RCBTB2: variants seen among roughly 807,000 people sequenced by gnomAD.
RCBTB2 encodes the protein RCC1 and BTB domain containing protein 2.
A neutral mutation model predicts 65.4 loss-of-function variants in RCBTB2; 55 were observed. That is an observed-to-expected ratio of 0.84 (90% CI 0.68 to 1.05). RCBTB2 has a LOEUF of 1.05. Among genes scored for constraint, RCBTB2 ranks in the 50% least tolerant of loss-of-function variants. RCBTB2 has a pLI of 0.00. For synonymous variants in RCBTB2, 220 were observed against 255.2 expected, an observed-to-expected ratio of 0.86 and a Z score of 1.31; for missense variants, 599 against 680.1, an observed-to-expected ratio of 0.88 and a Z score of 1.33.
In RCBTB2 at chr13:48,502,878, CGT is replaced by C. The variant is rs1226043062; in HGVS notation, c.961_962del (p.Thr321ValfsTer33). ...GCCCACCCTGCGTCTTGGCCGCAGA[CGT>C]GTGTGTGGAGTGACAGGCTGCAATC... ...IEIAACHSTH[T>X]SAAKTQGGHV... On this transcript the variant is annotated frameshift_variant, in exon 11 of 15. Coordinates refer to ENST00000344532, the MANE Select transcript of RCBTB2 (RefSeq NM_001268.4). LOFTEE classifies it high-confidence loss of function. The C allele has an allele frequency of 1.2e-6, 2 of 1,613,838 alleles. No individual in the cohort carries two copies. Among genetic ancestry groups the C allele is most frequent in the Non-Finnish European group, 1.7e-6 (2 of 1,179,902 alleles).
At chr13:48,535,484 G>A (rs141160653), upstream of RCBTB2, among the ~76,000 whole-genome samples, 182 of 152,238 alleles carry the variant, frequency 1.2e-3, no homozygotes, top group Non-Finnish European at 2.3e-3. Context: ...TAGAGCTCCT[G>A]ACCTCAGGTG....
intron 8 of RCBTB2, 24 bp downstream of exon 8, chr13:48,511,992 C>A (rs768509742): frequency 9.9e-6 from 16 of 1,609,886 alleles, no homozygotes; most frequent in Non-Finnish European, 1.4e-5. Context: ...GGTTTTTAAA[C>A]AAGATGTAAA....
chr13:48,525,356 G>A (rs1412765561), intron 1 of RCBTB2, among the ~76,000 whole-genome samples: 1 of 118,194 alleles, frequency 8.5e-6, no homozygotes, highest in African/African-American at 3.1e-5. Flanking sequence ...CAATTCAAAA[G>A]TGAGCAAAGG....
rs753811771 is a variant in RCBTB2 at position 48,515,660 on chromosome 13, GTTC to G, written c.121_123del (p.Glu41del). 4.3e-6 allele frequency: 7 copies of G among 1,613,788 alleles called. No individual in the cohort carries two copies. Among genetic ancestry groups the G allele is most frequent in the East Asian group, 2.2e-5 (1 of 44,880 alleles). On this transcript the variant is annotated inframe_deletion, in exon 5 of 15. Coordinates refer to ENST00000344532, the MANE Select transcript of RCBTB2 (RefSeq NM_001268.4). ...ACACAAGCCTGACGAATTAACTGTA[GTTC>G]TTCTTCAGAACAAAGGGAAAAAATT...
rs1416922579 is a variant in RCBTB2 at position 48,525,372 on chromosome 13, TGATATA to T, written c.-218-621_-218-616del. Among the ~76,000 whole-genome samples, 118 of 67,538 alleles carry T rather than the reference TGATATA, an allele frequency of 1.7e-3. 1 individual carries two copies. The highest frequency in any genetic ancestry group is 4.3e-3 in the African/African-American group (83 of 19,320). The allele number at this position is 67,538 out of a possible 152,430, so 44.3% of individuals were successfully genotyped here. ...AATTCAAAAGTGAGCAAAGGATTCA[TGATATA>T]TATATATATATATATATATATATAT... is the stretch of plus-strand genomic sequence containing the variant. On this transcript the variant is annotated intron_variant, in intron 1 of 14. Coordinates refer to ENST00000344532, the MANE Select transcript of RCBTB2 (RefSeq NM_001268.4).
chr13:48,535,597 C>G (rs1952352977), upstream of RCBTB2: 1 of 451,942 alleles, frequency 2.2e-6, no homozygotes. Flanking sequence ...GGCTTTTGCC[C>G]CTACCCCTCC....
chr13:48,496,370 T>A, intron 13 of RCBTB2, 49 bp from the exon 14 acceptor site: 2 of 1,477,804 alleles, frequency 1.4e-6, no homozygotes, highest in South Asian at 2.8e-5. Context: ...AGCATCCTGA[T>A]TTACAGTTGC....
intron 12 of RCBTB2, 132 bp from the exon 13 acceptor site, chr13:48,499,892 C>T (rs966597262): frequency 3.8e-6 from 4 of 1,040,952 alleles, no homozygotes; most frequent in East Asian, 5.1e-5. Context: ...TCTTTGCTGG[C>T]CAGGGTTTTC....
rs1007635892 is a variant in RCBTB2, at chr13:48,511,850, C to T, written c.703G>A (p.Gly235Arg). ...CCACTGTTGCCGAGTCCAAGCTGCC[C>T]GTTTCCGTTGTAACCCCAGACATAG... ...EVYVWGYNGNGQLGLGNSGNQ... is the reference protein window; with the variant it reads ...EVYVWGYNGNRQLGLGNSGNQ... The change falls in exon 9 of 15, where the codon GGG becomes AGG. Residue 235 changes from glycine (G) to arginine (R), a missense_variant. Transcript: ENST00000344532. The T allele has an allele frequency of 2.5e-6, 4 of 1,614,050 alleles. No homozygotes were observed. Among genetic ancestry groups the T allele is most frequent in the African/African-American group, 1.3e-5 (1 of 74,896 alleles).
chr13:48,512,658 C>G (rs576434010), intron 7 of RCBTB2, 71 bp downstream of exon 7: 264 of 1,236,318 alleles, frequency 2.1e-4, no homozygotes, highest in Non-Finnish European at 2.9e-4. Context: ...GATTGTATTT[C>G]CAGGACTACT....
chr13:48,512,938 C>T, intron 6 of RCBTB2, 43 bp from the exon 7 acceptor site: 1 of 1,508,108 alleles, frequency 6.6e-7, no homozygotes, highest in South Asian at 1.2e-5. Flanking sequence ...ACAACATCTA[C>T]TTCATTATAC....
chr13:48,511,851 G>A lies in RCBTB2; in HGVS notation c.702C>T (p.Asn234=), dbSNP rs769890118. The A allele has an allele frequency of 3.7e-5, 60 of 1,613,990 alleles. No homozygotes were observed. Among genetic ancestry groups the A allele is most frequent in the African/African-American group, 8.0e-5 (6 of 74,876 alleles). ...CACTGTTGCCGAGTCCAAGCTGCCC[G>A]TTTCCGTTGTAACCCCAGACATAGA... The part of the protein sequence containing the change: ...GEVYVWGYNG[N]GQLGLGNSGN... Residue 234 remains asparagine (N), a synonymous_variant, in exon 9 of 15, where the codon AAC becomes AAT. Coordinates refer to ENST00000344532, the MANE Select transcript of RCBTB2 (RefSeq NM_001268.4).
At chr13:48,518,330 T>C (rs186657143) in intron 4 of RCBTB2, among the ~76,000 whole-genome samples, 1 of 151,922 alleles carries the variant, frequency 6.6e-6, no homozygotes, top group African/African-American at 2.4e-5. Context: ...GCCACTTGGA[T>C]CATAAGACCT....
In RCBTB2 at chr13:48,512,892, CCTT is replaced by C; in HGVS notation, c.350_352del (p.Glu117del). 10 of 1,601,644 alleles carry C rather than the reference CCTT, an allele frequency of 6.2e-6. No individual in the cohort carries two copies. Among genetic ancestry groups the C allele is most frequent in the Non-Finnish European group, 8.5e-6 (10 of 1,173,400 alleles). ...ATTATGACCCCAGGTAAAGACTTCTCCTTCTGAAAATAAAAAGAAAGACAATCA... is the reference window on the plus strand; with the variant it reads ...ATTATGACCCCAGGTAAAGACTTCTCCTGAAAATAAAAAGAAAGACAATCA... On this transcript the variant is annotated inframe_deletion and splice_region_variant, in exon 7 of 15. Transcript: ENST00000344532.
At chr13:48,513,719 C>A (rs774176647) in intron 6 of RCBTB2, among the ~76,000 whole-genome samples, 7 of 152,248 alleles carry the variant, frequency 4.6e-5, no homozygotes, top group Non-Finnish European at 1.0e-4. Flanking sequence ...ATTTTAATTT[C>A]TTCAAATAAT....
chr13:48,535,377 T>A (rs1952350889), upstream of RCBTB2, among the ~76,000 whole-genome samples: 1 of 150,932 alleles, frequency 6.6e-6, no homozygotes, highest in Admixed American at 6.6e-5. Context: ...TGCCTAAGCC[T>A]CCCAAGTAGT....
At position 48,490,034 on chromosome 13, in the gene RCBTB2, T is replaced by C; in HGVS notation, c.*77A>G. Reference sequence around the variant, plus strand: ...CAAACATAGCTCATCATACATACTATTAATTAAAGAGAAGTGATTCATCTC... The same window carrying C: ...CAAACATAGCTCATCATACATACTACTAATTAAAGAGAAGTGATTCATCTC... On this transcript the variant is annotated 3_prime_UTR_variant, in exon 15 of 15. Transcript: ENST00000344532. The C allele has an allele frequency of 1.4e-6, 2 of 1,469,102 alleles. No homozygotes were observed. The highest frequency in any genetic ancestry group is 1.7e-4 in the Middle Eastern group (1 of 5,770). The allele number at this position is 1,469,102 out of a possible 1,614,324, so 91.0% of individuals were successfully genotyped here.
intron 10 of RCBTB2, 58 bp downstream of exon 10, chr13:48,510,570 TC>T (rs1950725986): frequency 6.4e-7 from 1 of 1,560,472 alleles, no homozygotes; most frequent in Non-Finnish European, 8.8e-7. Context: ...TATATCTAAG[TC>T]CTGTTTAATC....
intron 2 of RCBTB2, among the ~76,000 whole-genome samples, chr13:48,523,419 G>T (rs890913720): frequency 2.6e-5 from 4 of 152,050 alleles, no homozygotes; most frequent in Non-Finnish European, 5.9e-5. Context: ...CTATTAATTG[G>T]TAAGTTCTTC....
Sources: gnomAD v4.1 joint callset for allele counts (sites outside exome capture counted in the v4.1 genomes callset) on GRCh38, gnomAD v4.1.1 for gene constraint, MANE v1.5 for transcripts, NCBI Gene and HGNC (gene_info 2026-07-23, HGNC 2026-07-21) for gene names.